KIAA0825: variants seen among roughly 807,000 people sequenced by gnomAD.
KIAA0825 encodes KIAA0825, also known as uncharacterized protein KIAA0825.
KIAA0825 carries 119 observed loss-of-function variants against 147.6 expected under a neutral mutation model. The observed-to-expected ratio is 0.81, with a 90% CI of 0.69 to 0.94. The LOEUF is 0.94. Among genes scored for constraint, KIAA0825 ranks in the 40% least tolerant of loss-of-function variants. The pLI, the probability that KIAA0825 is intolerant of heterozygous loss-of-function variation, is 0.00. For synonymous variants in KIAA0825, 470 were observed against 518.1 expected, an observed-to-expected ratio of 0.91 and a Z score of 1.26; for missense variants, 1,381 against 1,472.7, an observed-to-expected ratio of 0.94 and a Z score of 1.02.
chr5:94,228,405 T>C (rs1282505547), intron 20 of KIAA0825, among the ~76,000 whole-genome samples: 2 of 152,206 alleles, frequency 1.3e-5, no homozygotes, highest in Non-Finnish European at 2.9e-5. Context: ...AGATATTGAT[T>C]ATTTGCCATA....
chr5:94,392,351 T>C (rs1209378920), intron 17 of KIAA0825, among the ~76,000 whole-genome samples: 1 of 152,226 alleles, frequency 6.6e-6, no homozygotes, highest in Non-Finnish European at 1.5e-5. Flanking sequence ...AAAAAAAGTC[T>C]ACTAACACCA....
At chr5:94,499,373 G>T (rs1764761767) in intron 5 of KIAA0825, among the ~76,000 whole-genome samples, 1 of 152,130 alleles carries the variant, frequency 6.6e-6, no homozygotes, top group Non-Finnish European at 1.5e-5. Flanking sequence ...ACAGCAGAAA[G>T]TGAATACTGT....
intron 13 of KIAA0825, among the ~76,000 whole-genome samples, chr5:94,447,382 C>A (rs1757865332): frequency 6.6e-6 from 1 of 151,818 alleles, no homozygotes; most frequent in Admixed American, 6.6e-5. Flanking sequence ...GCAAAGGAAA[C>A]AGAAAAGCAG....
chr5:94,481,321 G>A (rs1288079907), intron 6 of KIAA0825, among the ~76,000 whole-genome samples: 1 of 152,060 alleles, frequency 6.6e-6, no homozygotes, highest in African/African-American at 2.4e-5. Context: ...AGAGAGTAGA[G>A]GTTGGCAGTA....
rs1273788215 is a variant in KIAA0825 at position 94,481,452 on chromosome 5, C to G, written c.1132+3317G>C. Among the ~76,000 whole-genome samples the G allele has an allele frequency of 3.3e-5, 5 of 152,084 alleles. No individual in the cohort carries two copies. The South Asian group carries it at 6.2e-4, about 19-fold the overall frequency. ...GGGAACTACAAGTCTTTCTTTTCTT[C>G]ACTGTTCTTTTTCTGGCTCACAAGC... On this transcript the variant is annotated intron_variant, in intron 6 of 20. Transcript: ENST00000682413.
At chr5:94,257,233 C>T (rs1776292145) in intron 20 of KIAA0825, among the ~76,000 whole-genome samples, 1 of 152,088 alleles carries the variant, frequency 6.6e-6, no homozygotes, top group African/African-American at 2.4e-5. Flanking sequence ...TAGACTAGAA[C>T]TCTTGGGGTC....
At chr5:94,539,688 T>C (rs1239827989) in intron 2 of KIAA0825, among the ~76,000 whole-genome samples, 1 of 151,664 alleles carries the variant, frequency 6.6e-6, no homozygotes, top group African/African-American at 2.4e-5. Context: ...GGAGTCAGAG[T>C]CTCTCCTAAG....
chr5:94,555,067 T>C (rs1430574465), intron 2 of KIAA0825, among the ~76,000 whole-genome samples: 4 of 152,056 alleles, frequency 2.6e-5, no homozygotes, highest in Non-Finnish European at 1.5e-5. Context: ...TTGTGAAATC[T>C]ACATAATTGC....
intron 1 of KIAA0825, among the ~76,000 whole-genome samples, chr5:94,596,444 C>T (rs1785333170): frequency 2.0e-5 from 3 of 152,106 alleles, no homozygotes; most frequent in Non-Finnish European, 4.4e-5. Flanking sequence ...GTCTATGTGT[C>T]TGTTTTTATA....
intron 7 of KIAA0825, among the ~76,000 whole-genome samples, chr5:94,475,856 A>G (rs576992800): frequency 6.1e-4 from 93 of 152,306 alleles, no homozygotes; most frequent in African/African-American, 2.1e-3. Context: ...ACCTTTACTT[A>G]TTCAAACCTC....
chr5:94,253,782 G>A (rs1776100073), intron 20 of KIAA0825, among the ~76,000 whole-genome samples: 1 of 152,138 alleles, frequency 6.6e-6, no homozygotes, highest in South Asian at 2.1e-4. Context: ...CCTAATATCA[G>A]TTCCTCATTA....
intron 20 of KIAA0825, among the ~76,000 whole-genome samples, chr5:94,238,079 CTAGT>C (rs1407097424): frequency 6.6e-6 from 1 of 152,108 alleles, no homozygotes; most frequent in Non-Finnish European, 1.5e-5. Flanking sequence ...ATTTTGCACT[CTAGT>C]TAATGATAAG....
rs1173737040 is a variant in KIAA0825, at chr5:94,386,286, A to G, written c.3575T>C (p.Phe1192Ser). Residue 1192 changes from phenylalanine (F) to serine (S), a missense_variant, in exon 19 of 21, where the codon TTC becomes TCC. Transcript: ENST00000682413. ...IEDQPSAFNP[F>S]HVYKAFSENM... is the part of the protein sequence containing the mutation. ...TTCACTAAACGCCTTATACACATGG[A>G]AAGGGTTAAAGGCAGAAGGCTGATC... 4 of 1,551,344 alleles carry G rather than the reference A, an allele frequency of 2.6e-6. No homozygotes were observed. Among genetic ancestry groups the G allele is most frequent in the East Asian group, 4.9e-5 (2 of 40,874 alleles).
chr5:94,606,652 G>A (rs985687850), intron 1 of KIAA0825, among the ~76,000 whole-genome samples: 12 of 152,136 alleles, frequency 7.9e-5, no homozygotes, highest in African/African-American at 2.9e-4. Context: ...TATCAATAGA[G>A]TAAACAGATA....
At chr5:94,516,533 G>A (rs557289765) in intron 5 of KIAA0825, among the ~76,000 whole-genome samples, 1 of 152,286 alleles carries the variant, frequency 6.6e-6, no homozygotes, top group East Asian at 1.9e-4. Flanking sequence ...GCCGGGCGCG[G>A]TGGCTCACGC....
chr5:94,600,094 T>C (rs2152416064), intron 1 of KIAA0825, among the ~76,000 whole-genome samples: 1 of 152,270 alleles, frequency 6.6e-6, no homozygotes, highest in East Asian at 1.9e-4. Flanking sequence ...ATTAGAGAAA[T>C]GCAAATTGAG....
intron 3 of KIAA0825, among the ~76,000 whole-genome samples, chr5:94,530,043 G>C (rs1381164818): frequency 6.6e-6 from 1 of 151,942 alleles, no homozygotes; most frequent in Non-Finnish European, 1.5e-5. Context: ...AGCCAAGGTG[G>C]GTGAATCACC....
chr5:94,216,201 CTAAG>C (rs1773181224), intron 20 of KIAA0825, among the ~76,000 whole-genome samples: 1 of 152,040 alleles, frequency 6.6e-6, no homozygotes, highest in Admixed American at 6.6e-5. Context: ...TTATTTGGCC[CTAAG>C]TAAGTATTGG....
chr5:94,610,789 ATATATATATAT>A (rs1788611628), intron 1 of KIAA0825, among the ~76,000 whole-genome samples: 2 of 78,602 alleles, frequency 2.5e-5, no homozygotes, highest in African/African-American at 1.3e-4. Flanking sequence ...AAAAAAAAGT[ATATATATATAT>A]ATATATAAAT....
Sources: gnomAD v4.1 joint callset for allele counts (sites outside exome capture counted in the v4.1 genomes callset) on GRCh38, gnomAD v4.1.1 for gene constraint, MANE v1.5 for transcripts, NCBI Gene and HGNC (gene_info 2026-07-23, HGNC 2026-07-21) for gene names.